The following DAB1 variants were observed in gnomAD, a reference collection of about 807,000 sequenced individuals.
DAB1 encodes the protein disabled homolog 1.
Under a neutral mutation model 64.6 loss-of-function variants are expected in DAB1, and 15 were observed. The observed-to-expected ratio is 0.23, with a 90% CI of 0.16 to 0.36. The LOEUF (loss-of-function observed/expected upper bound fraction) is 0.36. Ranked by LOEUF, DAB1 falls within the 10% of genes least tolerant of loss-of-function variation. DAB1 has a pLI of 1.00. For synonymous variants in DAB1, 235 were observed against 251.9 expected, an observed-to-expected ratio of 0.93 and a Z score of 0.64; for missense variants, 596 against 706.7, an observed-to-expected ratio of 0.84 and a Z score of 1.78.
At chr1:57,641,333 A>G (rs1031667464) in intron 7 of DAB1, among the ~76,000 whole-genome samples, 6 of 147,566 alleles carry the variant, frequency 4.1e-5, no homozygotes, top group Admixed American at 6.7e-5. Flanking sequence ...ATAAAACCCA[A>G]TGTTCCCTGG....
Position 57,952,893 on chromosome 1 carries a change from A to C in DAB1, n.388-68731T>G, listed in dbSNP as rs111658955. The stretch of plus-strand genomic sequence containing the variant: ...AGGATGAACTGAGGCATCCCAGTCC[A>C]TTCTGAATAGCCCTTTGCAAGCTCT... On this transcript the variant is annotated intron_variant and non_coding_transcript_variant, in intron 5 of 20. Transcript: ENST00000485760. 2.9e-3 allele frequency among the ~76,000 whole-genome samples: 440 copies of C among 151,600 alleles called. 4 individuals are homozygous for C. The highest frequency in any genetic ancestry group is 9.9e-3 in the African/African-American group (404 of 40,898).
At chr1:58,220,410 T>C (rs1659096622) in intron 4 of DAB1, among the ~76,000 whole-genome samples, 1 of 152,174 alleles carries the variant, frequency 6.6e-6, no homozygotes, top group African/African-American at 2.4e-5. Flanking sequence ...TTAAAATAGA[T>C]AATCTTTACA....
Position 58,264,179 on chromosome 1 carries a change from G to A in DAB1, n.309+79173C>T, listed in dbSNP as rs142998942. On this transcript the variant is annotated intron_variant and non_coding_transcript_variant, in intron 4 of 20. Transcript: ENST00000485760. ...TTAAATGAGGATACCTCATAGGGTT[G>A]TTGCAAGGTCCAAAGAAAATAAAAT... Among the ~76,000 whole-genome samples the A allele has an allele frequency of 5.1e-3, 777 of 152,330 alleles. 6 individuals carry two copies. Among genetic ancestry groups the A allele is most frequent in the African/African-American group, 0.018 (734 of 41,570 alleles).
chr1:58,434,780 T>C (rs1644923517), intron 3 of DAB1, among the ~76,000 whole-genome samples: 1 of 152,172 alleles, frequency 6.6e-6, no homozygotes, highest in African/African-American at 2.4e-5. Flanking sequence ...TTTAGAAAAT[T>C]AAACAAAGTG....
intron 4 of DAB1, among the ~76,000 whole-genome samples, chr1:58,274,604 C>T (rs574655312): frequency 1.4e-3 from 211 of 151,244 alleles, no homozygotes; most frequent in African/African-American, 4.6e-3. Flanking sequence ...CCTCCCCCAG[C>T]CTCGCTGCCG....
intron 7 of DAB1, among the ~76,000 whole-genome samples, chr1:57,649,393 T>C (rs1183446520): frequency 6.6e-6 from 1 of 152,112 alleles, no homozygotes; most frequent in Non-Finnish European, 1.5e-5. Context: ...CCTCTAACCA[T>C]AAACACAAAG....
chr1:57,955,654 T>C (rs1279409339), intron 5 of DAB1, among the ~76,000 whole-genome samples: 1 of 152,044 alleles, frequency 6.6e-6, no homozygotes, highest in Non-Finnish European at 1.5e-5. Context: ...ACAGCCCAAA[T>C]TAGCACAAGA....
At chr1:58,005,369 G>A (rs1169183588) in intron 5 of DAB1, among the ~76,000 whole-genome samples, 1 of 152,130 alleles carries the variant, frequency 6.6e-6, no homozygotes, top group Non-Finnish European at 1.5e-5. Flanking sequence ...CAGAGGGCTG[G>A]TGTCTAGGGG....
intron 2 of DAB1, among the ~76,000 whole-genome samples, chr1:57,177,762 C>T (rs943429701): frequency 6.6e-6 from 1 of 152,136 alleles, no homozygotes; most frequent in African/African-American, 2.4e-5. Context: ...GATCAAAGTA[C>T]AGGCCATTTC....
At chr1:58,096,728 C>T (rs1374969785) in intron 5 of DAB1, among the ~76,000 whole-genome samples, 1 of 152,202 alleles carries the variant, frequency 6.6e-6, no homozygotes, top group East Asian at 1.9e-4. Flanking sequence ...TTACCAATGC[C>T]TTGAGGGCAA....
At chr1:57,913,624 C>T (rs1644681186) in intron 5 of DAB1, among the ~76,000 whole-genome samples, 1 of 152,170 alleles carries the variant, frequency 6.6e-6, no homozygotes, top group Non-Finnish European at 1.5e-5. Flanking sequence ...AGCTTCTGCA[C>T]AGCAAAAGAA....
intron 4 of DAB1, among the ~76,000 whole-genome samples, chr1:57,091,524 T>C (rs1327696687): frequency 6.6e-6 from 1 of 152,216 alleles, no homozygotes; most frequent in African/African-American, 2.4e-5. Context: ...AAGTCACATC[T>C]AGGAAGCAGA....
intron 7 of DAB1, among the ~76,000 whole-genome samples, chr1:57,495,894 C>T (rs899754970): frequency 6.6e-6 from 1 of 152,102 alleles, no homozygotes; most frequent in Non-Finnish European, 1.5e-5. Flanking sequence ...TCATTTTTAT[C>T]CCCACGTTCA....
At chr1:57,297,408 G>C (rs1673288368) in intron 1 of DAB1, among the ~76,000 whole-genome samples, 1 of 151,972 alleles carries the variant, frequency 6.6e-6, no homozygotes, top group African/African-American at 2.4e-5. Flanking sequence ...CTGTTTTTAG[G>C]AAACACACTA....
At chr1:57,242,393 C>A (rs1668557762) in intron 2 of DAB1, among the ~76,000 whole-genome samples, 1 of 152,120 alleles carries the variant, frequency 6.6e-6, no homozygotes, top group African/African-American at 2.4e-5. Flanking sequence ...GACAAAGCAA[C>A]TTTTCCAGAG....
intron 4 of DAB1, among the ~76,000 whole-genome samples, chr1:57,099,718 T>A (rs1654495172): frequency 6.6e-6 from 1 of 152,110 alleles, no homozygotes; most frequent in Non-Finnish European, 1.5e-5. Context: ...TTTTCAATGG[T>A]TATTATAGAC....
At chr1:57,352,943 A>G (rs11799925) in intron 1 of DAB1, among the ~76,000 whole-genome samples, 63,966 of 151,840 alleles carry the variant, frequency 0.42, 13,965 homozygotes, top group African/African-American at 0.47. Flanking sequence ...AGAACAGTCC[A>G]AGAGACCGCC....
chr1:57,759,752 T>C (rs966811954), intron 6 of DAB1, among the ~76,000 whole-genome samples: 4 of 152,074 alleles, frequency 2.6e-5, no homozygotes, highest in Admixed American at 2.0e-4. Context: ...AGAAACCAGT[T>C]AGGAGCTAGA....
intron 6 of DAB1, among the ~76,000 whole-genome samples, chr1:57,709,237 AGTTAT>A: frequency 6.6e-6 from 1 of 152,166 alleles, no homozygotes; most frequent in Non-Finnish European, 1.5e-5. Context: ...CCAGTTCACT[AGTTAT>A]ATTTCCAACT....
Sources: allele counts gnomAD v4.1 joint callset (sites outside exome capture counted in the v4.1 genomes callset), GRCh38; gene constraint gnomAD v4.1.1; transcripts MANE v1.5; gene names NCBI Gene and HGNC (gene_info 2026-07-23, HGNC 2026-07-21).